Variants in MFSD6 observed in about 807,000 individuals in gnomAD.
The protein encoded by MFSD6 is major facilitator superfamily domain-containing protein 6.
A neutral mutation model predicts 56.3 loss-of-function variants in MFSD6; 26 were observed. The ratio of observed to expected loss-of-function variants is 0.46; its 90% CI spans 0.34 to 0.64. MFSD6 has a LOEUF of 0.64. Among genes scored for constraint, MFSD6 ranks in the 30% least tolerant of loss-of-function variants. The probability of loss-of-function intolerance (pLI) is 0.01; values close to 1 mark genes in which losing one functional copy is unlikely to be tolerated. For missense variants in MFSD6, 750 were observed against 986.2 expected (o/e 0.76, Z 3.21); for synonymous variants, 331 against 366.9 (o/e 0.90, Z 1.12).
rs979210054 is a variant in MFSD6 at position 190,425,432 on chromosome 2, A to G, written c.-54+10019A>G. ...TCCCTATCTTAGAGAAAAAGCATTC[A>G]GTCTTTCACCATTAAGTGCAGTGTT... On this transcript the variant is annotated intron_variant, in intron 2 of 7. Coordinates refer to ENST00000392328, the MANE Select transcript of MFSD6 (RefSeq NM_017694.4). This position sits in a 1 kb window ranked among gnomAD's most constrained non-coding sequence, Gnocchi z 4.3. 4.6e-5 allele frequency among the ~76,000 whole-genome samples: 7 copies of G among 152,216 alleles called. No individual in the cohort carries two copies. Among genetic ancestry groups the G allele is most frequent in the Non-Finnish European group, 8.8e-5 (6 of 68,040 alleles).
In MFSD6 at chr2:190,469,072, C is replaced by T. The variant is rs1435232998; in HGVS notation, c.1533-686C>T. Among the ~76,000 whole-genome samples, 4 of 151,888 alleles carry T rather than the reference C, an allele frequency of 2.6e-5. No individual in the cohort carries two copies. The highest frequency in any genetic ancestry group is 1.3e-4 in the Admixed American group (2 of 15,258). Reference sequence around the variant, plus strand: ...TTCTTTCTACTTATACTTTTGGCAGCGGTAATGGTGGGGGTGAGAGAATGC... The same window carrying T: ...TTCTTTCTACTTATACTTTTGGCAGTGGTAATGGTGGGGGTGAGAGAATGC... On this transcript the variant is annotated intron_variant, in intron 3 of 7. Coordinates refer to ENST00000392328, the MANE Select transcript of MFSD6 (RefSeq NM_017694.4). This position sits in a 1 kb window ranked among gnomAD's most constrained non-coding sequence, Gnocchi z 5.3.
rs1199798843 is a variant in MFSD6 at position 190,488,181 on chromosome 2, G to A, written c.1631-476G>A. ...CTCCCAAAGTGCTGGGATTACAGGC[G>A]TGAGCCACTGCGCCCAGCCACTCAA... On this transcript the variant is annotated intron_variant, in intron 4 of 7. Transcript: ENST00000392328. The surrounding 1 kb of genome is among the most constrained non-coding windows in gnomAD (Gnocchi z 6.4). Among the ~76,000 whole-genome samples the A allele has an allele frequency of 4.6e-5, 7 of 152,192 alleles. No homozygotes were observed. The highest frequency in any genetic ancestry group is 1.0e-4 in the Non-Finnish European group (7 of 68,036).
intron 2 of MFSD6, among the ~76,000 whole-genome samples, chr2:190,429,035 C>T (rs1685874223): frequency 6.6e-6 from 1 of 152,006 alleles, no homozygotes; most frequent in South Asian, 2.1e-4. Context: ...GGTTTTAATG[C>T]TTTCACTGGC....
chr2:190,471,527 G>A lies in MFSD6; in HGVS notation c.1630+1672G>A, dbSNP rs1022579738. On this transcript the variant is annotated intron_variant, in intron 4 of 7. Coordinates refer to ENST00000392328, the MANE Select transcript of MFSD6 (RefSeq NM_017694.4). This position sits in a 1 kb window ranked among gnomAD's most constrained non-coding sequence, Gnocchi z 4.7. Reference sequence around the variant, plus strand: ...CAGTCTGAGATCAAACTGCAAGGCGGCAGTGAGGCTGGGGGAGGGGCACCC... The same window carrying A: ...CAGTCTGAGATCAAACTGCAAGGCGACAGTGAGGCTGGGGGAGGGGCACCC... 1.3e-5 allele frequency among the ~76,000 whole-genome samples: 2 copies of A among 152,220 alleles called. No individual in the cohort carries two copies. The highest frequency in any genetic ancestry group is 2.9e-5 in the Non-Finnish European group (2 of 68,036).
intron 3 of MFSD6, among the ~76,000 whole-genome samples, chr2:190,468,274 A>C (rs1415089039): frequency 6.6e-6 from 1 of 152,118 alleles, no homozygotes; most frequent in Admixed American, 6.5e-5. Flanking sequence ...TTCACTGAGA[A>C]TCTGCTAAAT....
At position 190,467,586 on chromosome 2, in the gene MFSD6, C is replaced by T. The variant is rs1318857710; in HGVS notation, c.1533-2172C>T. On this transcript the variant is annotated intron_variant, in intron 3 of 7. Coordinates refer to ENST00000392328, the MANE Select transcript of MFSD6 (RefSeq NM_017694.4). The surrounding 1 kb of genome is among the most constrained non-coding windows in gnomAD (Gnocchi z 5.5). ...CGAGATCGTGCCACTGCTCTCTAGC[C>T]TCGGCAACAGAGCGAGACTCTGTCT... is the stretch of plus-strand genomic sequence containing the variant. Among the ~76,000 whole-genome samples, 1 of 152,112 alleles carries T rather than the reference C, an allele frequency of 6.6e-6. No homozygotes were observed. The highest frequency in any genetic ancestry group is 1.5e-5 in the Non-Finnish European group (1 of 68,026).
chr2:190,488,829 CT>C lies in MFSD6; in HGVS notation c.1792+14del. On this transcript the variant is annotated intron_variant, in intron 5 of 7. Coordinates refer to ENST00000392328, the MANE Select transcript of MFSD6 (RefSeq NM_017694.4). This position sits in a 1 kb window ranked among gnomAD's most constrained non-coding sequence, Gnocchi z 6.4. ...TAGTCAATTATTTTGGTAAGAATGG[CT>C]TTCTCCTTTTTTTTCTTTTCTATTA... 3 of 1,527,782 alleles carry C rather than the reference CT, an allele frequency of 2.0e-6. No homozygotes were observed. The highest frequency in any genetic ancestry group is 2.6e-6 in the Non-Finnish European group (3 of 1,138,706). The allele number at this position is 1,527,782 out of a possible 1,614,324, so 94.6% of individuals were successfully genotyped here.
intron 3 of MFSD6, among the ~76,000 whole-genome samples, chr2:190,455,227 G>T (rs1323388076): frequency 1.3e-5 from 2 of 151,842 alleles, no homozygotes; most frequent in East Asian, 3.9e-4. Context: ...TATTTATTAA[G>T]TTACTATTAA....
intron 2 of MFSD6, among the ~76,000 whole-genome samples, chr2:190,421,817 G>A (rs1238401135): frequency 2.0e-5 from 3 of 152,122 alleles, no homozygotes; most frequent in Non-Finnish European, 4.4e-5. Flanking sequence ...TCCCAAAATA[G>A]TAGGATTATC....
At position 190,433,135 on chromosome 2, in the gene MFSD6, T is replaced by A. The variant is rs1270216736; in HGVS notation, c.-53-2842T>A. ...CAGTGTGTGTGTATGTTTGGGTGTG[T>A]GTGTGTTTATTGTCATTTTAGTGGG... On this transcript the variant is annotated intron_variant, in intron 2 of 7. Transcript: ENST00000392328. The surrounding 1 kb of genome is among the most constrained non-coding windows in gnomAD (Gnocchi z 4.5). Among the ~76,000 whole-genome samples, 11 of 152,230 alleles carry A rather than the reference T, an allele frequency of 7.2e-5. No individual in the cohort carries two copies. The highest frequency in any genetic ancestry group is 6.5e-4 in the Admixed American group (10 of 15,282).
At position 190,488,288 on chromosome 2, in the gene MFSD6, T is replaced by C. The variant is rs575915175; in HGVS notation, c.1631-369T>C. Among the ~76,000 whole-genome samples, 3 of 152,296 alleles carry C rather than the reference T, an allele frequency of 2.0e-5. No homozygotes were observed. Among genetic ancestry groups the C allele is most frequent in the South Asian group, 4.1e-4 (2 of 4,826 alleles). ...CAAAGTAGCAGAAGGAAACAACAAATGTCTATTCACAGATGAAAAGATGAA... is the reference window on the plus strand; with the variant it reads ...CAAAGTAGCAGAAGGAAACAACAAACGTCTATTCACAGATGAAAAGATGAA... On this transcript the variant is annotated intron_variant, in intron 4 of 7. Transcript: ENST00000392328. The surrounding 1 kb of genome is among the most constrained non-coding windows in gnomAD (Gnocchi z 6.4).
chr2:190,472,032 GACTGTTAGAAGGAAAACTAACAA>G (rs1446363325), intron 4 of MFSD6, among the ~76,000 whole-genome samples: 4 of 152,316 alleles, frequency 2.6e-5, no homozygotes, highest in African/African-American at 9.6e-5. Context: ...TGAGGCTCCT[GACTGTTAGAAGGAAAACTAACAA>G]ACAGAAAGGA....
rs891705709 is a variant in MFSD6 at position 190,490,518 on chromosome 2, G to C, written c.1891+652G>C. Among the ~76,000 whole-genome samples, 1 of 151,876 alleles carries C rather than the reference G, an allele frequency of 6.6e-6. No homozygotes were observed. The highest frequency in any genetic ancestry group is 2.4e-5 in the African/African-American group (1 of 41,354). ...GTGGAGCTTGCAGTGAGCCGAGATA[G>C]CACCACTGCAGTCCAGCCTGGGGGA... On this transcript the variant is annotated intron_variant, in intron 6 of 7. Transcript: ENST00000392328. The surrounding 1 kb of genome is among the most constrained non-coding windows in gnomAD (Gnocchi z 4.5).
rs189659767 is a variant in MFSD6, at chr2:190,454,304, G to A, written c.1533-15454G>A. The stretch of plus-strand genomic sequence containing the variant: ...TTTCCAATTGTGTTAGAGAGTGAAG[G>A]TATTAAAGATAGAGATAAGAAGCAT... On this transcript the variant is annotated intron_variant, in intron 3 of 7. Transcript: ENST00000392328. This position sits in a 1 kb window ranked among gnomAD's most constrained non-coding sequence, Gnocchi z 4.6. 16 of 152,214 alleles carry A rather than the reference G, an allele frequency of 1.1e-4. No homozygotes were observed. Among genetic ancestry groups the A allele is most frequent in the African/African-American group, 1.4e-4 (6 of 41,520 alleles). The allele number at this position is 152,214 out of a possible 1,614,324, so 9.4% of individuals were successfully genotyped here.
At chr2:190,474,965 T>C (rs370529467) in intron 4 of MFSD6, among the ~76,000 whole-genome samples, 12 of 151,836 alleles carry the variant, frequency 7.9e-5, no homozygotes, top group African/African-American at 2.9e-4. Flanking sequence ...AAGACAAAAA[T>C]CACATGATTA....
Position 190,471,811 on chromosome 2 carries a change from C to T in MFSD6, c.1630+1956C>T, listed in dbSNP as rs190199417. On this transcript the variant is annotated intron_variant, in intron 4 of 7. Coordinates refer to ENST00000392328, the MANE Select transcript of MFSD6 (RefSeq NM_017694.4). This position sits in a 1 kb window ranked among gnomAD's most constrained non-coding sequence, Gnocchi z 4.7. ...TGCCTCCTCAAGTGGGTCCCTGACC[C>T]GCAAGTAGCCTAACTGGGAGGCACC... Among the ~76,000 whole-genome samples the T allele has an allele frequency of 6.6e-5, 10 of 152,316 alleles. No homozygotes were observed. In the East Asian group the frequency reaches 9.7e-4, roughly 15 times the overall value.
Position 190,417,965 on chromosome 2 carries a change from GGTGTGT to G in MFSD6, c.-54+2583_-54+2588del, listed in dbSNP as rs59001642. 9.6e-3 allele frequency among the ~76,000 whole-genome samples: 1,383 copies of G among 144,704 alleles called. 27 individuals carry two copies. Among genetic ancestry groups the G allele is most frequent in the African/African-American group, 0.034 (1,296 of 38,608 alleles). The allele number at this position is 144,704 out of a possible 152,430, so 94.9% of individuals were successfully genotyped here. A position where few individuals can be genotyped will look rare whatever the true frequency, so the allele number is the denominator to read the frequency against. ...CTGACTTTTCATTTAACCCTTTAGT[GGTGTGT>G]GTGTGTGTGTGTGTGTGTGTGTGTG... On this transcript the variant is annotated intron_variant, in intron 2 of 7. Coordinates refer to ENST00000392328, the MANE Select transcript of MFSD6 (RefSeq NM_017694.4). The surrounding 1 kb of genome is among the most constrained non-coding windows in gnomAD (Gnocchi z 5.7).
rs563559766 is a variant in MFSD6 at position 190,431,524 on chromosome 2, G to A, written c.-53-4453G>A. 8.5e-5 allele frequency among the ~76,000 whole-genome samples: 13 copies of A among 152,236 alleles called. No individual in the cohort carries two copies. The highest frequency in any genetic ancestry group is 1.4e-4 in the African/African-American group (6 of 41,472). ...TGGAGACTAGCCCGGCCAACACAGCGAAACCCCGTCTCCACCAAAAAAATA... is the reference window on the plus strand; with the variant it reads ...TGGAGACTAGCCCGGCCAACACAGCAAAACCCCGTCTCCACCAAAAAAATA... On this transcript the variant is annotated intron_variant, in intron 2 of 7. Coordinates refer to ENST00000392328, the MANE Select transcript of MFSD6 (RefSeq NM_017694.4). The surrounding 1 kb of genome is among the most constrained non-coding windows in gnomAD (Gnocchi z 4.4).
rs563038173 is a variant in MFSD6 at position 190,457,312 on chromosome 2, G to A, written c.1533-12446G>A. ...TGAAAAGAGCGAGCTGGATGCTATGGCTCCTTTCAGTTCTGACTCTAATGA... is the reference window on the plus strand; with the variant it reads ...TGAAAAGAGCGAGCTGGATGCTATGACTCCTTTCAGTTCTGACTCTAATGA... On this transcript the variant is annotated intron_variant, in intron 3 of 7. Transcript: ENST00000392328. This position sits in a 1 kb window ranked among gnomAD's most constrained non-coding sequence, Gnocchi z 5.1. Among the ~76,000 whole-genome samples the A allele has an allele frequency of 6.6e-6, 1 of 152,202 alleles. No individual in the cohort carries two copies. The highest frequency in any genetic ancestry group is 1.5e-5 in the Non-Finnish European group (1 of 68,000).
Sources: gnomAD v4.1 joint callset for allele counts (sites outside exome capture counted in the v4.1 genomes callset) on GRCh38, gnomAD v4.1.1 for gene constraint, Gnocchi (gnomAD v3.1) non-coding constraint, MANE v1.5 for transcripts, NCBI Gene and HGNC (gene_info 2026-07-23, HGNC 2026-07-21) for gene names.